Variants in FAM81A observed in about 807,000 individuals in gnomAD.
FAM81A encodes the protein family with sequence similarity 81 member A, also known as protein FAM81A.
A neutral mutation model predicts 46.7 loss-of-function variants in FAM81A; 19 were observed. The ratio of observed to expected loss-of-function variants is 0.41; its 90% CI spans 0.28 to 0.60. The LOEUF is 0.60. Ranked by LOEUF, FAM81A falls within the 20% of genes least tolerant of loss-of-function variation. The pLI, the probability that FAM81A is intolerant of heterozygous loss-of-function variation, is 0.34. For missense variants in FAM81A, 377 were observed against 453.5 expected (o/e 0.83, Z 1.53); for synonymous variants, 183 against 152.9 (o/e 1.20, Z -1.45).
chr15:59,518,568 C>T (rs2082291983), intron 8 of FAM81A, among the ~76,000 whole-genome samples: 1 of 152,088 alleles, frequency 6.6e-6, no homozygotes, highest in East Asian at 1.9e-4. Flanking sequence ...TCAAGCAGTC[C>T]TCTTGCCTTG....
At chr15:59,427,179 C>T (rs543048990) in intron 2 of FAM81A, among the ~76,000 whole-genome samples, 3 of 152,164 alleles carry the variant, frequency 2.0e-5, no homozygotes, top group Non-Finnish European at 2.9e-5. Flanking sequence ...GGCCTGATCT[C>T]GGCTCACTGC....
chr15:59,403,724 AAG>A (rs1255481868), intron 2 of FAM81A, among the ~76,000 whole-genome samples: 1 of 151,758 alleles, frequency 6.6e-6, no homozygotes, highest in Non-Finnish European at 1.5e-5. Context: ...TAAAAAAACA[AAG>A]AGAATTAGCA....
chr15:59,402,006 T>G, intron 1 of FAM81A: 2 of 635,056 alleles, frequency 3.1e-6, no homozygotes, highest in Non-Finnish European at 5.7e-6. Flanking sequence ...CTGTGGCATG[T>G]TGACGCCGCA....
chr15:59,493,877 C>T (rs1390581062), intron 4 of FAM81A, among the ~76,000 whole-genome samples: 1 of 152,124 alleles, frequency 6.6e-6, no homozygotes, highest in Non-Finnish European at 1.5e-5. Flanking sequence ...TGTGAGCCAC[C>T]GCGCCCGGCC....
intron 2 of FAM81A, among the ~76,000 whole-genome samples, chr15:59,404,759 T>C (rs1244698584): frequency 6.6e-6 from 1 of 152,226 alleles, no homozygotes; most frequent in Non-Finnish European, 1.5e-5. Flanking sequence ...GCCCAGCTCA[T>C]ATTCTTCACA....
intron 2 of FAM81A, among the ~76,000 whole-genome samples, chr15:59,422,469 T>C (rs1053894275): frequency 6.6e-6 from 1 of 152,112 alleles, no homozygotes; most frequent in African/African-American, 2.4e-5. Context: ...TCTTTCTTTT[T>C]ATTTTATTTT....
At chr15:59,465,134 T>G (rs1417614660) in intron 3 of FAM81A, among the ~76,000 whole-genome samples, 2 of 152,204 alleles carry the variant, frequency 1.3e-5, no homozygotes, top group Non-Finnish European at 2.9e-5. Flanking sequence ...GATACGTGGA[T>G]TAATTTCTAG....
chr15:59,513,188 G>A (rs879729350), intron 6 of FAM81A, among the ~76,000 whole-genome samples: 4 of 152,172 alleles, frequency 2.6e-5, no homozygotes, highest in Non-Finnish European at 4.4e-5. Flanking sequence ...GGAGAGGAAT[G>A]GAAGGATGGG....
chr15:59,425,292 A>G (rs1196344297), intron 2 of FAM81A, among the ~76,000 whole-genome samples: 1 of 152,198 alleles, frequency 6.6e-6, no homozygotes, highest in African/African-American at 2.4e-5. Context: ...AACAAATAAA[A>G]TGACTTACCC....
intron 3 of FAM81A, among the ~76,000 whole-genome samples, chr15:59,474,196 C>G (rs117747262): frequency 1.3e-5 from 2 of 152,154 alleles, no homozygotes; most frequent in South Asian, 4.1e-4. Flanking sequence ...AGAGAGGAAC[C>G]TTGTCTTCCT....
At chr15:59,501,951 G>A (rs1283819239) in intron 4 of FAM81A, among the ~76,000 whole-genome samples, 1 of 151,958 alleles carries the variant, frequency 6.6e-6, no homozygotes, top group Non-Finnish European at 1.5e-5. Flanking sequence ...TGATGTCTTT[G>A]ATTTAACGCT....
intron 2 of FAM81A, among the ~76,000 whole-genome samples, chr15:59,406,067 G>A (rs1457315877): frequency 1.3e-5 from 2 of 152,156 alleles, no homozygotes; most frequent in Admixed American, 6.5e-5. Flanking sequence ...CCCTGGAAAC[G>A]AAGACTGGAA....
At chr15:59,453,442 T>TCGTTA (rs1346211003) in intron 1 of FAM81A, among the ~76,000 whole-genome samples, 6 of 152,212 alleles carry the variant, frequency 3.9e-5, no homozygotes, top group Non-Finnish European at 8.8e-5. Context: ...AAGCAGTTAC[T>TCGTTA]CGTTACGTTA....
At chr15:59,495,028 G>C (rs982319059) in intron 4 of FAM81A, among the ~76,000 whole-genome samples, 1 of 152,064 alleles carries the variant, frequency 6.6e-6, no homozygotes, top group African/African-American at 2.4e-5. Flanking sequence ...CTCTCTCTCT[G>C]AACACCTTTA....
chr15:59,421,391 G>GACAACTAAAGGACA (rs2081170334), intron 2 of FAM81A, among the ~76,000 whole-genome samples: 1 of 152,138 alleles, frequency 6.6e-6, no homozygotes, highest in Non-Finnish European at 1.5e-5. Context: ...ACCTGGGGAG[G>GACAACTAAAGGACA]ACCTTAGTTT....
At position 59,521,363 on chromosome 15, in the gene FAM81A, A is replaced by C; in HGVS notation, c.1092A>C (p.Pro364=). The stretch of plus-strand genomic sequence containing the variant: ...AGCAAATCCAGCTGATGCAGAAGCC[A>C]GAGACCCCCATGTGAAGGGAGCTGG... ...LQKQIQLMQK[P]ETPM is the part of the protein sequence containing the mutation. Residue 364 remains proline (P), a synonymous_variant, in exon 9 of 9, where the codon CCA becomes CCC. Coordinates refer to ENST00000288228, the MANE Select transcript of FAM81A (RefSeq NM_152450.3). 1 of 1,611,248 alleles carries C rather than the reference A, an allele frequency of 6.2e-7. No individual in the cohort carries two copies. Among genetic ancestry groups the C allele is most frequent in the East Asian group, 2.2e-5 (1 of 44,836 alleles).
intron 2 of FAM81A, among the ~76,000 whole-genome samples, chr15:59,405,483 A>G (rs2081090066): frequency 6.6e-6 from 1 of 152,144 alleles, no homozygotes; most frequent in Admixed American, 6.6e-5. Context: ...TGTACTAAAA[A>G]GATGAAAATT....
chr15:59,464,166 G>T (rs1298586605), intron 3 of FAM81A, among the ~76,000 whole-genome samples: 1 of 152,062 alleles, frequency 6.6e-6, no homozygotes, highest in Admixed American at 6.6e-5. Flanking sequence ...TTTTATGGCT[G>T]ATAGTATTCC....
upstream of FAM81A, among the ~76,000 whole-genome samples, chr15:59,435,344 G>T (rs544071066): frequency 1.6e-3 from 238 of 152,248 alleles, 1 homozygote; most frequent in South Asian, 3.7e-3. Flanking sequence ...AGTGGACTGG[G>T]TGCAGTGGTT....
Sources: gnomAD v4.1 joint callset for allele counts (sites outside exome capture counted in the v4.1 genomes callset) on GRCh38, gnomAD v4.1.1 for gene constraint, MANE v1.5 for transcripts, NCBI Gene and HGNC (gene_info 2026-07-23, HGNC 2026-07-21) for gene names.